Variants in GRM3 observed in about 807,000 individuals in gnomAD.
GRM3 encodes the protein glutamate metabotropic receptor 3, also known as metabotropic glutamate receptor 3.
A neutral mutation model predicts 70.5 loss-of-function variants in GRM3; 26 were observed. The ratio of observed to expected loss-of-function variants is 0.37; its 90% confidence interval spans 0.27 to 0.51. The LOEUF (loss-of-function observed/expected upper bound fraction) is 0.51, where lower values mean the gene tolerates loss of function less well. GRM3 is among the 20% of genes least tolerant of loss of function. GRM3 has a pLI of 0.93. For synonymous variants in GRM3, 443 were observed against 434.9 expected, an observed-to-expected ratio of 1.02 and a Z score of -0.23; for missense variants, 859 against 1,123.8, an observed-to-expected ratio of 0.76 and a Z score of 3.37.
chr7:86,789,006 A>G (rs1311611576), intron 3 of GRM3, among the ~76,000 whole-genome samples: 3 of 152,228 alleles, frequency 2.0e-5, no homozygotes, highest in Non-Finnish European at 2.9e-5. Context: ...GGGTCTTAAA[A>G]GGCAAAGAAA....
intron 1 of GRM3, chr7:86,710,006 T>C (rs1285259382): frequency 1.3e-5 from 2 of 152,090 alleles, no homozygotes; most frequent in Non-Finnish European, 2.9e-5. Flanking sequence ...TATTAAAAAA[T>C]GGAGCTAGCA....
At chr7:86,815,221 A>G (rs1797992043) in intron 3 of GRM3, among the ~76,000 whole-genome samples, 1 of 151,796 alleles carries the variant, frequency 6.6e-6, no homozygotes, top group Non-Finnish European at 1.5e-5. Flanking sequence ...ACACGTATCT[A>G]CTTACAGGAG....
At chr7:86,842,247 C>A (rs1455489567) in intron 4 of GRM3, among the ~76,000 whole-genome samples, 1 of 152,176 alleles carries the variant, frequency 6.6e-6, no homozygotes, top group Non-Finnish European at 1.5e-5. Context: ...TCTTATCCCA[C>A]CAATATGTCT....
At chr7:86,738,136 G>GC (rs112372379) in intron 1 of GRM3, among the ~76,000 whole-genome samples, 4,494 of 152,200 alleles carry the variant, frequency 0.03, 207 homozygotes, top group African/African-American at 0.1. Context: ...GATGCTCCAT[G>GC]CCACCATAGG....
chr7:86,733,324 A>AG (rs1427046337), intron 1 of GRM3, among the ~76,000 whole-genome samples: 1 of 151,740 alleles, frequency 6.6e-6, no homozygotes, highest in Non-Finnish European at 1.5e-5. Flanking sequence ...AAAAAAAAAA[A>AG]AAAAAGAATG....
chr7:86,742,221 G>A (rs141325550), intron 1 of GRM3, among the ~76,000 whole-genome samples: 103 of 152,214 alleles, frequency 6.8e-4, no homozygotes, highest in African/African-American at 2.1e-3. Context: ...TGGTTCCAAA[G>A]GTGAACATCT....
At chr7:86,821,865 C>T (rs1562874615) in intron 3 of GRM3, among the ~76,000 whole-genome samples, 1 of 152,038 alleles carries the variant, frequency 6.6e-6, no homozygotes, top group African/African-American at 2.4e-5. Context: ...TCGTTCCCTT[C>T]ATAATTTTCT....
At chr7:86,713,716 C>G (rs78055389) in intron 1 of GRM3, among the ~76,000 whole-genome samples, 4,773 of 151,998 alleles carry the variant, frequency 0.031, 91 homozygotes, top group East Asian at 0.063. Flanking sequence ...AGAAATATGT[C>G]TTAACTATCT....
chr7:86,646,015 G>GTT (rs1793461898), intron 1 of GRM3, among the ~76,000 whole-genome samples: 8 of 57,262 alleles, frequency 1.4e-4, no homozygotes, highest in African/African-American at 3.8e-4. Context: ...GTGGGGGGGG[G>GTT]TGGGAGGGAG....
At chr7:86,712,292 T>A (rs369354170) in intron 1 of GRM3, among the ~76,000 whole-genome samples, 3 of 152,044 alleles carry the variant, frequency 2.0e-5, no homozygotes, top group Non-Finnish European at 4.4e-5. Context: ...GCTGCCATAG[T>A]GTTCTCTTCC....
chr7:86,788,855 C>T (rs1797336356), intron 3 of GRM3, among the ~76,000 whole-genome samples: 1 of 152,158 alleles, frequency 6.6e-6, no homozygotes, highest in Non-Finnish European at 1.5e-5. Context: ...TATTCTAGTT[C>T]CTTTCTTACT....
chr7:86,700,471 C>G lies in GRM3; in HGVS notation c.-141+55599C>G, dbSNP rs888518185. Among the ~76,000 whole-genome samples, 2 of 151,912 alleles carry G rather than the reference C, an allele frequency of 1.3e-5. 1 individual carries two copies. Among genetic ancestry groups the G allele is most frequent in the South Asian group, 4.1e-4 (2 of 4,824 alleles). On this transcript the variant is annotated intron_variant, in intron 1 of 5. Transcript: ENST00000361669. ...CAAATTCTCGGAAGAAGCCTCACAT[C>G]AGTCCCCAGCTACTAACCATGACTT...
At chr7:86,743,374 A>G (rs1055143996) in intron 1 of GRM3, among the ~76,000 whole-genome samples, 7 of 152,130 alleles carry the variant, frequency 4.6e-5, no homozygotes, top group African/African-American at 1.7e-4. Flanking sequence ...AAACAGCACA[A>G]TAAACATAGT....
chr7:86,776,227 A>G (rs887437480), intron 2 of GRM3, among the ~76,000 whole-genome samples: 1 of 152,160 alleles, frequency 6.6e-6, no homozygotes, highest in Admixed American at 6.6e-5. Flanking sequence ...TAAACCATGG[A>G]TTACTATCCT....
At chr7:86,796,684 A>G (rs1215118390) in intron 3 of GRM3, among the ~76,000 whole-genome samples, 1 of 152,160 alleles carries the variant, frequency 6.6e-6, no homozygotes, top group Non-Finnish European at 1.5e-5. Context: ...GATTCTTCCT[A>G]TCCATGAGCA....
intron 1 of GRM3, among the ~76,000 whole-genome samples, chr7:86,708,482 A>G (rs146899660): frequency 6.6e-6 from 1 of 152,180 alleles, no homozygotes; most frequent in East Asian, 1.9e-4. Flanking sequence ...GTTGCCCTCC[A>G]TTGAGGAGAG....
intron 3 of GRM3, among the ~76,000 whole-genome samples, chr7:86,795,148 C>A (rs1301456882): frequency 1.3e-5 from 2 of 151,684 alleles, no homozygotes; most frequent in Non-Finnish European, 2.9e-5. Context: ...CTTTAACCAG[C>A]CACTTTGGAA....
chr7:86,735,821 TATATAA>T (rs1795844963), intron 1 of GRM3, among the ~76,000 whole-genome samples: 1 of 152,220 alleles, frequency 6.6e-6, no homozygotes, highest in African/African-American at 2.4e-5. Flanking sequence ...ATTATTACTT[TATATAA>T]ATAAAGTTTA....
intron 3 of GRM3, among the ~76,000 whole-genome samples, chr7:86,825,366 A>C (rs1334115034): frequency 6.6e-6 from 1 of 152,238 alleles, no homozygotes; most frequent in African/African-American, 2.4e-5. Flanking sequence ...GGAATTTCTT[A>C]ACGACGTGTG....
Sources: gnomAD v4.1 joint callset for allele counts (sites outside exome capture counted in the v4.1 genomes callset) on GRCh38, gnomAD v4.1.1 for gene constraint, MANE v1.5 for transcripts, NCBI Gene and HGNC (gene_info 2026-07-23, HGNC 2026-07-21) for gene names.